Variants in GNL3L observed in about 807,000 individuals in gnomAD.
The protein encoded by GNL3L is guanine nucleotide-binding protein-like 3-like protein.
In GNL3L, 4 loss-of-function variants were observed where a neutral mutation model predicts 42.9. The ratio of observed to expected loss-of-function variants is 0.09; its 90% CI spans 0.05 to 0.21. GNL3L has a LOEUF of 0.21. GNL3L is among the 10% of genes least tolerant of loss of function. GNL3L has a pLI of 1.00. For missense variants in GNL3L, 412 were observed against 481.7 expected (o/e 0.86, Z 1.36); for synonymous variants, 159 against 176.3 (o/e 0.90, Z 0.78).
chrX:54,615,747 C>T (rs1017295510), intron 16 of GNL3L, among the ~76,000 whole-genome samples: 1 of 106,589 alleles, frequency 9.4e-6, no homozygotes, highest in Non-Finnish European at 1.9e-5. Flanking sequence ...CTCTGTTGCC[C>T]AGGCTGGAGT....
chrX:54,596,862 A>G (rs1353166281), intron 16 of GNL3L, among the ~76,000 whole-genome samples: 2 of 111,482 alleles, frequency 1.8e-5, no homozygotes, highest in Non-Finnish European at 3.8e-5. Context: ...GTACTGCCAG[A>G]CTACTGCCTA....
At chrX:54,607,447 A>G (rs1926112067) in intron 16 of GNL3L, among the ~76,000 whole-genome samples, 1 of 107,541 alleles carries the variant, frequency 9.3e-6, no homozygotes. Flanking sequence ...ATTTCTGACT[A>G]AAAAGGACTC....
intron 16 of GNL3L, among the ~76,000 whole-genome samples, chrX:54,618,299 C>T (rs1926245465): frequency 8.9e-6 from 1 of 111,907 alleles, no homozygotes; most frequent in Admixed American, 9.5e-5. Context: ...TCCTTCTAAA[C>T]TTGCTCCTCC....
At chrX:54,613,017 A>G (rs1191334884) in intron 16 of GNL3L, among the ~76,000 whole-genome samples, 1 of 111,650 alleles carries the variant, frequency 9.0e-6, no homozygotes, top group Non-Finnish European at 1.9e-5. Flanking sequence ...ATTCTACTGA[A>G]TATGTTTTCC....
chrX:54,536,566 C>T (rs1296447643), intron 2 of GNL3L, among the ~76,000 whole-genome samples: 4 of 109,861 alleles, frequency 3.6e-5, no homozygotes, highest in African/African-American at 1.3e-4. Flanking sequence ...GAGCCAATGA[C>T]TTGAGGCCAG....
In GNL3L at chrX:54,563,174, A is replaced by G. The variant is rs925595419; in HGVS notation, c.*2572A>G. On this transcript the variant is annotated 3_prime_UTR_variant, in exon 16 of 16. Transcript: ENST00000360845. ...ATTGCATACCAGGACAGCTAAGTCTATTTTGCAACCATACAGCGTTTCATA... is the reference window on the plus strand; with the variant it reads ...ATTGCATACCAGGACAGCTAAGTCTGTTTTGCAACCATACAGCGTTTCATA... 2.7e-5 allele frequency among the ~76,000 whole-genome samples: 3 copies of G among 111,528 alleles called. No homozygotes were observed. The highest frequency in any genetic ancestry group is 5.6e-5 in the Non-Finnish European group (3 of 53,197).
chrX:54,592,083 G>T (rs1158496603), intron 16 of GNL3L, among the ~76,000 whole-genome samples: 1 of 111,568 alleles, frequency 9.0e-6, no homozygotes, highest in African/African-American at 3.3e-5. Context: ...TTGTAGATGG[G>T]ATTACTTTTT....
At chrX:54,615,165 T>C (rs1389023592) in intron 16 of GNL3L, among the ~76,000 whole-genome samples, 2 of 112,566 alleles carry the variant, frequency 1.8e-5, no homozygotes, top group Non-Finnish European at 3.7e-5. Flanking sequence ...AATAGAATCA[T>C]TAAATATGTG....
At chrX:54,602,980 A>G (rs892874134) in intron 16 of GNL3L, among the ~76,000 whole-genome samples, 4 of 112,014 alleles carry the variant, frequency 3.6e-5, no homozygotes, top group Admixed American at 9.5e-5. Context: ...ATCCTGACCT[A>G]TAGAAATTGT....
chrX:54,565,356 T>G lies in GNL3L; in HGVS notation c.*4754T>G, dbSNP rs1386282999. Among the ~76,000 whole-genome samples the G allele has an allele frequency of 1.8e-5, 2 of 112,397 alleles. No homozygotes were observed. The highest frequency in any genetic ancestry group is 3.8e-5 in the Non-Finnish European group (2 of 53,303). On this transcript the variant is annotated 3_prime_UTR_variant, in exon 16 of 16. Coordinates refer to ENST00000360845, the MANE Select transcript of GNL3L (RefSeq NM_001184819.2). ...TGCTGGGATATATGGTAAGCATATG[T>G]TTGACATTTTAAGAAACTTCTAAAC...
chrX:54,536,076 T>C (rs992443305), intron 2 of GNL3L, among the ~76,000 whole-genome samples: 14 of 111,427 alleles, frequency 1.3e-4, no homozygotes, highest in Admixed American at 1.2e-3. Flanking sequence ...TACAGGTGCG[T>C]GCCAACACGC....
downstream of GNL3L, among the ~76,000 whole-genome samples, chrX:54,623,400 G>A (rs1270008686): frequency 9.0e-6 from 1 of 111,714 alleles, no homozygotes; most frequent in African/African-American, 3.3e-5. Flanking sequence ...GAGTAGCTGG[G>A]ATTATAGGCA....
chrX:54,612,772 T>C (rs746918922), intron 16 of GNL3L, among the ~76,000 whole-genome samples: 1 of 112,013 alleles, frequency 8.9e-6, no homozygotes, highest in African/African-American at 3.2e-5. Context: ...CCCTTCTAGC[T>C]TGTAGGGTTT....
chrX:54,569,372 A>T (rs190038645), downstream of GNL3L, among the ~76,000 whole-genome samples: 529 of 111,795 alleles, frequency 4.7e-3, 4 homozygotes, highest in African/African-American at 0.016. Flanking sequence ...TAAAATATAT[A>T]TAGGGCTATT....
chrX:54,606,178 A>G (rs1926058015), intron 16 of GNL3L, among the ~76,000 whole-genome samples: 1 of 111,786 alleles, frequency 8.9e-6, no homozygotes, highest in Admixed American at 9.5e-5. Flanking sequence ...GCCCTATTGA[A>G]CTACCATTAG....
intron 16 of GNL3L, among the ~76,000 whole-genome samples, chrX:54,576,761 C>T (rs945103663): frequency 2.7e-5 from 3 of 111,275 alleles, no homozygotes; most frequent in African/African-American, 6.5e-5. Context: ...CCACTGTGCT[C>T]GGCCTTATTT....
In GNL3L at chrX:54,564,426, A is replaced by G. The variant is rs955231044; in HGVS notation, c.*3824A>G. On this transcript the variant is annotated 3_prime_UTR_variant, in exon 16 of 16. Transcript: ENST00000360845. ...TCTTTTTTTTTTTTTTTTTTTTGAGACAGAGTCTAGCTCTGTTGTCCAGGC... is the reference window on the plus strand; with the variant it reads ...TCTTTTTTTTTTTTTTTTTTTTGAGGCAGAGTCTAGCTCTGTTGTCCAGGC... Among the ~76,000 whole-genome samples the G allele has an allele frequency of 1.0e-3, 74 of 72,434 alleles. No homozygotes were observed. Among genetic ancestry groups the G allele is most frequent in the Non-Finnish European group, 1.4e-3 (59 of 42,024 alleles). 62.9% of individuals were successfully genotyped at this position (72,434 alleles called of 115,157 possible).
At chrX:54,543,111 T>A (rs1924676774) in intron 6 of GNL3L, 73 bp downstream of exon 6, 1 of 1,108,774 alleles carries the variant, frequency 9.0e-7, no homozygotes. Flanking sequence ...CATTTCTGTT[T>A]TTTCCTGACT....
chrX:54,624,833 A>G (rs998573732), downstream of GNL3L, among the ~76,000 whole-genome samples: 4 of 89,746 alleles, frequency 4.5e-5, no homozygotes, highest in Admixed American at 3.0e-4. Context: ...TCTGTGTTCT[A>G]ATCTCTTCAT....
Sources: allele counts gnomAD v4.1 joint callset (sites outside exome capture counted in the v4.1 genomes callset), GRCh38; gene constraint gnomAD v4.1.1; transcripts MANE v1.5; gene names NCBI Gene and HGNC (gene_info 2026-07-23, HGNC 2026-07-21).